USP34: variants seen among roughly 807,000 people sequenced by gnomAD.
USP34 encodes ubiquitin specific peptidase 34, also known as ubiquitin carboxyl-terminal hydrolase 34.
USP34 carries 70 observed loss-of-function variants against 460.3 expected under a neutral mutation model. The ratio of observed to expected loss-of-function variants is 0.15; its 90% CI spans 0.13 to 0.19. The LOEUF (loss-of-function observed/expected upper bound fraction) is 0.19. Ranked by LOEUF, USP34 falls within the 10% of genes least tolerant of loss-of-function variation. USP34 has a pLI of 1.00. For synonymous variants in USP34, 1,647 were observed against 1,405.3 expected, an observed-to-expected ratio of 1.17 and a Z score of -3.85; for missense variants, 3,985 against 4,236.2, an observed-to-expected ratio of 0.94 and a Z score of 1.65.
intron 27 of USP34, among the ~76,000 whole-genome samples, chr2:61,305,601 G>A (rs1690377889): frequency 6.6e-6 from 1 of 151,944 alleles, no homozygotes; most frequent in Non-Finnish European, 1.5e-5. Flanking sequence ...GTTAAGGAGA[G>A]AAGAAAAAGA....
chr2:61,377,818 C>T (rs1692840590), intron 8 of USP34, among the ~76,000 whole-genome samples: 1 of 152,214 alleles, frequency 6.6e-6, no homozygotes, highest in South Asian at 2.1e-4. Context: ...AGACTAAATT[C>T]TCCAGTATAA....
intron 15 of USP34, 40 bp from the exon 16 acceptor site, chr2:61,344,069 T>C (rs769352598): frequency 1.3e-6 from 2 of 1,588,694 alleles, no homozygotes; most frequent in Non-Finnish European, 1.7e-6. Flanking sequence ...TAATTACGAA[T>C]GTGAATCTAA....
chr2:61,300,836 G>T, intron 29 of USP34, 115 bp downstream of exon 29: 1 of 620,886 alleles, frequency 1.6e-6, no homozygotes. Context: ...AAAAAAAAAA[G>T]GAGAGAAAAT....
At chr2:61,197,272 AAAC>A (rs749130540) in intron 75 of USP34, among the ~76,000 whole-genome samples, 23 of 152,330 alleles carry the variant, frequency 1.5e-4, no homozygotes, top group Non-Finnish European at 2.4e-4. Context: ...CTTTGTCTCA[AAAC>A]AACAACAATT....
intron 10 of USP34, among the ~76,000 whole-genome samples, chr2:61,369,463 C>T (rs928257406): frequency 1.1e-4 from 16 of 151,632 alleles, no homozygotes; most frequent in Non-Finnish European, 2.4e-4. Flanking sequence ...ACCAACATAG[C>T]GAAACCTTAT....
chr2:61,234,279 G>C (rs1687999990), intron 57 of USP34, among the ~76,000 whole-genome samples: 1 of 152,192 alleles, frequency 6.6e-6, no homozygotes, highest in African/African-American at 2.4e-5. Flanking sequence ...TTATATACCA[G>C]ACTGCTATTC....
chr2:61,416,845 T>C (rs1427580237), intron 2 of USP34: 2 of 383,740 alleles, frequency 5.2e-6, no homozygotes, highest in East Asian at 8.9e-5. Context: ...GGAAGTAGAA[T>C]GTATTGGTAT....
At chr2:61,395,673 C>G (rs1693497341) in intron 3 of USP34, among the ~76,000 whole-genome samples, 1 of 148,506 alleles carries the variant, frequency 6.7e-6, no homozygotes, top group South Asian at 2.1e-4. Flanking sequence ...GTAGTCCCAG[C>G]TACTCGGGAG....
intron 23 of USP34, among the ~76,000 whole-genome samples, chr2:61,315,660 C>T (rs1040064981): frequency 6.6e-6 from 1 of 152,074 alleles, no homozygotes; most frequent in Non-Finnish European, 1.5e-5. Flanking sequence ...CAGGTGTGAG[C>T]CACTGCGTCC....
intron 10 of USP34, among the ~76,000 whole-genome samples, chr2:61,357,479 T>TA (rs552456169): frequency 4.9e-4 from 74 of 149,870 alleles, no homozygotes; most frequent in Non-Finnish European, 6.5e-4. Context: ...AATGTGAATT[T>TA]AAAAAAAAAA....
chr2:61,226,988 G>A (rs1687747375), intron 62 of USP34, 79 bp downstream of exon 62: 1 of 1,466,302 alleles, frequency 6.8e-7, no homozygotes, highest in Non-Finnish European at 9.0e-7. Flanking sequence ...AAAGCTAGTG[G>A]AAAAACTAGT....
intron 7 of USP34, among the ~76,000 whole-genome samples, chr2:61,379,769 T>A (rs1437388807): frequency 6.6e-6 from 1 of 152,242 alleles, no homozygotes; most frequent in Admixed American, 6.5e-5. Context: ...TTAAGACTAT[T>A]CAAAACAAAC....
chr2:61,318,534 T>C (rs1374635596), intron 22 of USP34, among the ~76,000 whole-genome samples: 1 of 152,228 alleles, frequency 6.6e-6, no homozygotes, highest in Non-Finnish European at 1.5e-5. Context: ...CGTCACACTT[T>C]GCAGAGAGAC....
intron 43 of USP34, among the ~76,000 whole-genome samples, chr2:61,264,962 C>T (rs1352376261): frequency 1.3e-5 from 2 of 152,102 alleles, no homozygotes; most frequent in African/African-American, 4.8e-5. Context: ...CAAATTAGGT[C>T]CACAATTTGA....
At chr2:61,378,079 G>A (rs1012590482) in intron 8 of USP34, among the ~76,000 whole-genome samples, 4 of 152,120 alleles carry the variant, frequency 2.6e-5, no homozygotes, top group Non-Finnish European at 5.9e-5. Context: ...AGGCTGAGGT[G>A]GGAGGATCAC....
chr2:61,370,974 G>T (rs1305016551), intron 8 of USP34, among the ~76,000 whole-genome samples: 2 of 152,160 alleles, frequency 1.3e-5, no homozygotes, highest in African/African-American at 4.8e-5. Context: ...AAAATAGGTT[G>T]TCAAAAGGAT....
intron 53 of USP34, among the ~76,000 whole-genome samples, chr2:61,237,928 T>C (rs1399949765): frequency 6.6e-6 from 1 of 151,466 alleles, no homozygotes; most frequent in African/African-American, 2.4e-5. Context: ...ACAAGTTTCG[T>C]TCTTGTTGCC....
intron 48 of USP34, among the ~76,000 whole-genome samples, chr2:61,255,733 C>T (rs1553358367): frequency 1.3e-5 from 2 of 152,116 alleles, no homozygotes; most frequent in Non-Finnish European, 2.9e-5. Context: ...AATCTTGTAC[C>T]ATCCTGCTTA....
At chr2:61,449,642 C>T (rs1303181582) in intron 1 of USP34, among the ~76,000 whole-genome samples, 1 of 151,938 alleles carries the variant, frequency 6.6e-6, no homozygotes. Flanking sequence ...AAACAGAATA[C>T]AGAGTACAGA....
Sources: gnomAD v4.1 joint callset for allele counts (sites outside exome capture counted in the v4.1 genomes callset) on GRCh38, gnomAD v4.1.1 for gene constraint, MANE v1.5 for transcripts, NCBI Gene and HGNC (gene_info 2026-07-23, HGNC 2026-07-21) for gene names.